The following DAAM1 variants were observed in gnomAD, a reference collection of about 807,000 sequenced individuals.
The protein encoded by DAAM1 is dishevelled associated activator of morphogenesis 1, also known as disheveled-associated activator of morphogenesis 1.
DAAM1 carries 52 observed loss-of-function variants against 130.0 expected under a neutral mutation model. That is an observed-to-expected ratio of 0.40 (90% CI 0.32 to 0.50). The LOEUF (loss-of-function observed/expected upper bound fraction) is 0.50. Ranked by LOEUF, DAAM1 falls within the 20% of genes least tolerant of loss-of-function variation. The probability of loss-of-function intolerance (pLI) is 0.61; values close to 1 mark genes in which losing one functional copy is unlikely to be tolerated. For synonymous variants in DAAM1, 452 were observed against 444.5 expected, an observed-to-expected ratio of 1.02 and a Z score of -0.21; for missense variants, 1,134 against 1,303.8, an observed-to-expected ratio of 0.87 and a Z score of 2.01.
intron 2 of DAAM1, among the ~76,000 whole-genome samples, chr14:59,278,457 G>T (rs1473641262): frequency 6.6e-6 from 1 of 152,132 alleles, no homozygotes; most frequent in African/African-American, 2.4e-5. Flanking sequence ...TTAAACTTAG[G>T]AATTTTTTAT....
At chr14:59,344,985 A>C (rs982249611) in intron 16 of DAAM1, among the ~76,000 whole-genome samples, 1 of 151,728 alleles carries the variant, frequency 6.6e-6, no homozygotes, top group Non-Finnish European at 1.5e-5. Flanking sequence ...AGCTCTCCTC[A>C]TGATTATAGA....
chr14:59,324,055 G>A, intron 6 of DAAM1, 73 bp from the exon 7 acceptor site: 2 of 1,020,732 alleles, frequency 2.0e-6, no homozygotes, highest in Non-Finnish European at 2.6e-6. Flanking sequence ...GTTAACTTTT[G>A]AGTATAAAAA....
At chr14:59,356,488 T>C (rs1315662561) in intron 20 of DAAM1, among the ~76,000 whole-genome samples, 1 of 152,236 alleles carries the variant, frequency 6.6e-6, no homozygotes, top group Admixed American at 6.5e-5. Context: ...TGTCACCTGT[T>C]GTCAGGTAAG....
chr14:59,212,049 C>T (rs1454207451), intron 1 of DAAM1, among the ~76,000 whole-genome samples: 1 of 152,044 alleles, frequency 6.6e-6, no homozygotes, highest in East Asian at 1.9e-4. Flanking sequence ...TTGTAACTTT[C>T]TTTATGTAGG....
chr14:59,290,570 T>C (rs1325046717), intron 2 of DAAM1, among the ~76,000 whole-genome samples: 1 of 152,020 alleles, frequency 6.6e-6, no homozygotes, highest in Non-Finnish European at 1.5e-5. Context: ...AATGAGGGAG[T>C]CACTGCCTTG....
At chr14:59,219,890 T>G (rs1274601629) in intron 1 of DAAM1, among the ~76,000 whole-genome samples, 1 of 152,242 alleles carries the variant, frequency 6.6e-6, no homozygotes, top group Non-Finnish European at 1.5e-5. Context: ...CCTTTATTCA[T>G]TCTTAGCTGT....
intron 24 of DAAM1, 117 bp downstream of exon 24, chr14:59,367,716 C>A: frequency 7.4e-7 from 1 of 1,345,644 alleles, no homozygotes; most frequent in Non-Finnish European, 9.7e-7. Flanking sequence ...AATGTACTCT[C>A]TAGAATGCTG....
intron 3 of DAAM1, among the ~76,000 whole-genome samples, chr14:59,306,148 T>C (rs17096053): frequency 0.064 from 9,680 of 152,178 alleles, 404 homozygotes; most frequent in Non-Finnish European, 0.094. Flanking sequence ...TTTGTAGCTA[T>C]ACTTGCAAAG....
intron 3 of DAAM1, among the ~76,000 whole-genome samples, chr14:59,314,896 A>C (rs1884725485): frequency 6.6e-6 from 1 of 152,186 alleles, no homozygotes; most frequent in African/African-American, 2.4e-5. Context: ...GCTGAATCCT[A>C]TGGTCACCTA....
At chr14:59,261,514 G>T (rs1882154518) in intron 1 of DAAM1, among the ~76,000 whole-genome samples, 1 of 152,156 alleles carries the variant, frequency 6.6e-6, no homozygotes. Flanking sequence ...ACAGGATGTT[G>T]GATGTTTGGC....
chr14:59,203,287 C>T (rs998409506), intron 1 of DAAM1, among the ~76,000 whole-genome samples: 1 of 150,808 alleles, frequency 6.6e-6, no homozygotes, highest in Admixed American at 6.6e-5. Flanking sequence ...GGATTACAGG[C>T]GTGAATAGCT....
intron 1 of DAAM1, among the ~76,000 whole-genome samples, chr14:59,202,676 C>T (rs17255395): frequency 0.088 from 13,412 of 152,248 alleles, 794 homozygotes; most frequent in Non-Finnish European, 0.13. Flanking sequence ...TAAACATTAC[C>T]TGTGCAATAG....
chr14:59,206,612 C>T (rs1888270689), intron 1 of DAAM1, among the ~76,000 whole-genome samples: 1 of 152,222 alleles, frequency 6.6e-6, no homozygotes, highest in Non-Finnish European at 1.5e-5. Flanking sequence ...ACTTATCCCA[C>T]TCTTATTCCA....
chr14:59,308,522 C>T (rs1220768673), intron 3 of DAAM1, among the ~76,000 whole-genome samples: 1 of 152,082 alleles, frequency 6.6e-6, no homozygotes, highest in African/African-American at 2.4e-5. Context: ...AATTTTTTAA[C>T]AGTTCATGAG....
At chr14:59,293,397 C>G (rs1883828826) in intron 3 of DAAM1, among the ~76,000 whole-genome samples, 2 of 152,146 alleles carry the variant, frequency 1.3e-5, no homozygotes, top group Admixed American at 1.3e-4. Flanking sequence ...CTATCGAATC[C>G]CCTTGAAAAC....
chr14:59,309,628 A>C (rs1279609881), intron 3 of DAAM1, among the ~76,000 whole-genome samples: 5 of 152,190 alleles, frequency 3.3e-5, no homozygotes, highest in Non-Finnish European at 1.5e-5. Context: ...CTTACTACAC[A>C]ACAGCAGAGT....
At chr14:59,280,625 G>A (rs969748935) in intron 2 of DAAM1, among the ~76,000 whole-genome samples, 1 of 141,280 alleles carries the variant, frequency 7.1e-6, no homozygotes, top group Non-Finnish European at 1.5e-5. Context: ...TTGAGTTCGC[G>A]TCTTTTGGGA....
intron 8 of DAAM1, 104 bp downstream of exon 8, chr14:59,324,558 A>C (rs1885137442): frequency 1.8e-6 from 1 of 564,812 alleles, no homozygotes; most frequent in Admixed American, 3.9e-5. Context: ...CCTGTCTGTA[A>C]CATAAAGAGC....
intron 3 of DAAM1, among the ~76,000 whole-genome samples, chr14:59,304,198 T>G (rs1884289167): frequency 6.6e-6 from 1 of 152,182 alleles, no homozygotes; most frequent in African/African-American, 2.4e-5. Flanking sequence ...GACATCAATA[T>G]GGAAAGAAAT....
Sources: allele counts gnomAD v4.1 joint callset (sites outside exome capture counted in the v4.1 genomes callset), GRCh38; gene constraint gnomAD v4.1.1; transcripts MANE v1.5; gene names NCBI Gene and HGNC (gene_info 2026-07-23, HGNC 2026-07-21).